UBE2E2: variants seen among roughly 807,000 people sequenced by gnomAD.
UBE2E2 encodes ubiquitin conjugating enzyme E2 E2, also known as ubiquitin-conjugating enzyme E2 E2.
In UBE2E2, 6 loss-of-function variants were observed where a neutral mutation model predicts 24.7. That is an observed-to-expected ratio of 0.24 (90% confidence interval 0.13 to 0.48). The LOEUF is 0.48. Among genes scored for constraint, UBE2E2 ranks in the 20% least tolerant of loss-of-function variants. The probability of loss-of-function intolerance (pLI) is 0.99; values close to 1 mark genes in which losing one functional copy is unlikely to be tolerated. For synonymous variants in UBE2E2, 104 were observed against 83.6 expected, an observed-to-expected ratio of 1.24 and a Z score of -1.33; for missense variants, 169 against 245.0, an observed-to-expected ratio of 0.69 and a Z score of 2.07.
At chr3:23,321,068 G>C (rs909768968) in intron 3 of UBE2E2, among the ~76,000 whole-genome samples, 5 of 152,232 alleles carry the variant, frequency 3.3e-5, no homozygotes, top group Admixed American at 3.3e-4. Flanking sequence ...TCCTTGGCTT[G>C]TATCTGCATC....
chr3:23,581,364 A>G (rs1696474198), intron 5 of UBE2E2, among the ~76,000 whole-genome samples: 1 of 152,236 alleles, frequency 6.6e-6, no homozygotes, highest in Non-Finnish European at 1.5e-5. Flanking sequence ...GAGGCTAGAA[A>G]GATAAAGTCT....
At chr3:23,310,432 C>T (rs556466374) in intron 3 of UBE2E2, among the ~76,000 whole-genome samples, 4 of 151,408 alleles carry the variant, frequency 2.6e-5, no homozygotes, top group South Asian at 2.1e-4. Context: ...ATTTCTTGTT[C>T]GTTATTGTTA....
At chr3:23,447,145 A>G (rs1698452461) in intron 3 of UBE2E2, among the ~76,000 whole-genome samples, 1 of 151,940 alleles carries the variant, frequency 6.6e-6, no homozygotes, top group South Asian at 2.1e-4. Context: ...GTTTTATATT[A>G]ATTTTCTGTG....
intron 5 of UBE2E2, among the ~76,000 whole-genome samples, chr3:23,588,312 A>G (rs1696672961): frequency 6.6e-6 from 1 of 152,148 alleles, no homozygotes; most frequent in Non-Finnish European, 1.5e-5. Flanking sequence ...GAAAGAGTGA[A>G]ATTAGAGAAT....
At chr3:23,305,449 A>G (rs1699216160) in intron 3 of UBE2E2, among the ~76,000 whole-genome samples, 1 of 152,216 alleles carries the variant, frequency 6.6e-6, no homozygotes, top group Non-Finnish European at 1.5e-5. Flanking sequence ...CAGTTAGTAC[A>G]GTTTAGATAC....
chr3:23,501,439 C>T (rs1280338021), intron 4 of UBE2E2, among the ~76,000 whole-genome samples: 1 of 152,144 alleles, frequency 6.6e-6, no homozygotes, highest in Non-Finnish European at 1.5e-5. Context: ...AGGATGTTCC[C>T]CTGTCACAGA....
chr3:23,290,410 G>T (rs1212994501), intron 3 of UBE2E2, among the ~76,000 whole-genome samples: 1 of 152,216 alleles, frequency 6.6e-6, no homozygotes, highest in Non-Finnish European at 1.5e-5. Flanking sequence ...TTGTTTTAGA[G>T]ATCTGGGATG....
At chr3:23,243,400 G>C (rs949412954) in intron 3 of UBE2E2, among the ~76,000 whole-genome samples, 2 of 152,118 alleles carry the variant, frequency 1.3e-5, no homozygotes, top group African/African-American at 4.8e-5. Context: ...TTCAATCTCT[G>C]AGCCTCAGTG....
chr3:23,254,285 T>TG (rs1383681900), intron 3 of UBE2E2, among the ~76,000 whole-genome samples: 4 of 152,210 alleles, frequency 2.6e-5, no homozygotes, highest in Non-Finnish European at 4.4e-5. Context: ...TGCCAACTGA[T>TG]GCTTACATCA....
Position 23,474,447 on chromosome 3 carries a change from C to T in UBE2E2, c.228-25161C>T, listed in dbSNP as rs1439051686. On this transcript the variant is annotated intron_variant, in intron 3 of 5. Coordinates refer to ENST00000396703, the MANE Select transcript of UBE2E2 (RefSeq NM_152653.4). This position sits in a 1 kb window ranked among gnomAD's most constrained non-coding sequence, Gnocchi z 4.0. ...TTTTCTGAAGGGAACGTGCAGATTT[C>T]AGACACAAATACACGTTATTGTACA... 6.6e-6 allele frequency among the ~76,000 whole-genome samples: 1 copy of T among 152,026 alleles called. No individual in the cohort carries two copies. Among genetic ancestry groups the T allele is most frequent in the Non-Finnish European group, 1.5e-5 (1 of 68,028 alleles).
Position 23,474,695 on chromosome 3 carries a change from G to A in UBE2E2, c.228-24913G>A, listed in dbSNP as rs762886969. ...GTTTCCACTTATGTGGTAATAATGC[G>A]TTAGACCAATTACAGTCTTACACAG... On this transcript the variant is annotated intron_variant, in intron 3 of 5. Coordinates refer to ENST00000396703, the MANE Select transcript of UBE2E2 (RefSeq NM_152653.4). This position sits in a 1 kb window ranked among gnomAD's most constrained non-coding sequence, Gnocchi z 4.0. Among the ~76,000 whole-genome samples the A allele has an allele frequency of 1.2e-4, 19 of 152,024 alleles. No individual in the cohort carries two copies. In the South Asian group the frequency reaches 1.4e-3, roughly 12 times the overall value.
intron 5 of UBE2E2, among the ~76,000 whole-genome samples, chr3:23,576,004 C>G (rs951947014): frequency 6.6e-6 from 1 of 152,054 alleles, no homozygotes; most frequent in African/African-American, 2.4e-5. Context: ...TGTGCGATTT[C>G]TATTTAAATA....
intron 3 of UBE2E2, among the ~76,000 whole-genome samples, chr3:23,426,637 C>G (rs1486294500): frequency 6.6e-6 from 1 of 152,078 alleles, no homozygotes; most frequent in African/African-American, 2.4e-5. Flanking sequence ...CCATACCCTG[C>G]AAAGTTATTC....
intron 3 of UBE2E2, among the ~76,000 whole-genome samples, chr3:23,484,967 A>G (rs1429996123): frequency 2.0e-5 from 3 of 152,178 alleles, no homozygotes; most frequent in African/African-American, 4.8e-5. Flanking sequence ...CAGTCAAGCC[A>G]TATCAGTGGG....
chr3:23,384,618 C>T (rs568127411), intron 3 of UBE2E2, among the ~76,000 whole-genome samples: 75 of 152,360 alleles, frequency 4.9e-4, no homozygotes, highest in African/African-American at 1.7e-3. Flanking sequence ...TCTTGGCTCA[C>T]TGCAACCTCC....
At chr3:23,398,312 C>CAAAAAAA (rs35646138) in intron 3 of UBE2E2, among the ~76,000 whole-genome samples, 6 of 109,730 alleles carry the variant, frequency 5.5e-5, no homozygotes, top group African/African-American at 2.5e-4. Context: ...GACTCCATCT[C>CAAAAAAA]AAAAAAAAAA....
intron 3 of UBE2E2, among the ~76,000 whole-genome samples, chr3:23,373,561 A>G (rs904078208): frequency 9.9e-5 from 15 of 152,204 alleles, no homozygotes; most frequent in Non-Finnish European, 1.6e-4. Context: ...AGATTTCACT[A>G]TGTATAGCAG....
intron 3 of UBE2E2, among the ~76,000 whole-genome samples, chr3:23,303,713 C>T (rs1200366805): frequency 6.6e-6 from 1 of 152,136 alleles, no homozygotes; most frequent in African/African-American, 2.4e-5. Flanking sequence ...GTCTTCCATA[C>T]AGCGTACTTG....
At chr3:23,345,786 T>G (rs1395694019) in intron 3 of UBE2E2, among the ~76,000 whole-genome samples, 2 of 152,252 alleles carry the variant, frequency 1.3e-5, no homozygotes, top group Non-Finnish European at 2.9e-5. Flanking sequence ...GAGAAATTGC[T>G]GCTGTATATT....
Sources: gnomAD v4.1 joint callset for allele counts (sites outside exome capture counted in the v4.1 genomes callset) on GRCh38, gnomAD v4.1.1 for gene constraint, Gnocchi (gnomAD v3.1) non-coding constraint, MANE v1.5 for transcripts, NCBI Gene and HGNC (gene_info 2026-07-23, HGNC 2026-07-21) for gene names.